Variants in APBA2 observed in about 807,000 individuals in gnomAD.
APBA2 encodes the protein amyloid-beta A4 precursor protein-binding family A member 2.
A neutral mutation model predicts 75.0 loss-of-function variants in APBA2; 30 were observed. The ratio of observed to expected loss-of-function variants is 0.40; its 90% confidence interval spans 0.30 to 0.54. The LOEUF is 0.54. APBA2 is among the 20% of genes least tolerant of loss of function. APBA2 has a pLI of 0.49. For synonymous variants in APBA2, 444 were observed against 409.6 expected (o/e 1.08, Z -1.01); for missense variants, 801 against 1,016.1 (o/e 0.79, Z 2.88).
intron 4 of APBA2, among the ~76,000 whole-genome samples, chr15:29,058,331 T>C (rs1269978820): frequency 2.0e-5 from 3 of 151,994 alleles, no homozygotes; most frequent in Non-Finnish European, 2.9e-5. Context: ...ACCAACATGG[T>C]GAAACCCTGT....
In APBA2 at chr15:29,001,513, T is replaced by C. The variant is rs146658250; in HGVS notation, c.-41+5707T>C. Among the ~76,000 whole-genome samples the C allele has an allele frequency of 5.9e-5, 9 of 152,322 alleles. 1 individual carries two copies. Among genetic ancestry groups the C allele is most frequent in the African/African-American group, 7.2e-5 (3 of 41,576 alleles). On this transcript the variant is annotated intron_variant, in intron 3 of 14. Coordinates refer to ENST00000683413, the MANE Select transcript of APBA2 (RefSeq NM_001353788.2). ...GGCATGAGCCACTGCCTCTAGACTTTAGAAATGTTCAGAAGCTCACCTTCC... is the reference window on the plus strand; with the variant it reads ...GGCATGAGCCACTGCCTCTAGACTTCAGAAATGTTCAGAAGCTCACCTTCC...
Position 28,969,159 on chromosome 15 carries a change from T to G in APBA2, c.-94-26594T>G, listed in dbSNP as rs544595404. ...TTCTTTCTTTCTTTCTTTCTTTCTTTCTTTCTTTCTTTCTTTCTTTCTTTT... is the reference window on the plus strand; with the variant it reads ...TTCTTTCTTTCTTTCTTTCTTTCTTGCTTTCTTTCTTTCTTTCTTTCTTTT... On this transcript the variant is annotated intron_variant, in intron 2 of 14. Transcript: ENST00000683413. Among the ~76,000 whole-genome samples the G allele has an allele frequency of 7.0e-4, 71 of 101,272 alleles. No homozygotes were observed. The African/African-American group carries it at 0.012, about 17-fold the overall frequency. The allele number at this position is 101,272 out of a possible 152,430, so 66.4% of individuals were successfully genotyped here. A position where few individuals can be genotyped will look rare whatever the true frequency, so the allele number is the denominator to read the frequency against.
chr15:29,055,078 G>A (rs1032059339), intron 4 of APBA2, among the ~76,000 whole-genome samples: 29 of 152,224 alleles, frequency 1.9e-4, no homozygotes, highest in African/African-American at 7.0e-4. Context: ...GGCAACTCGT[G>A]TCTCGCAGAA....
At chr15:29,090,626 T>G (rs1024184035) in intron 6 of APBA2, among the ~76,000 whole-genome samples, 1 of 152,100 alleles carries the variant, frequency 6.6e-6, no homozygotes, top group Non-Finnish European at 1.5e-5. Context: ...AAGGCCCTGC[T>G]CACCTGCTGG....
chr15:28,977,803 A>T (rs2037418772), intron 2 of APBA2, among the ~76,000 whole-genome samples: 1 of 152,134 alleles, frequency 6.6e-6, no homozygotes, highest in Admixed American at 6.5e-5. Context: ...AGAAATGCTG[A>T]GGTTCTCACA....
intron 2 of APBA2, among the ~76,000 whole-genome samples, chr15:28,922,780 C>G (rs1466131115): frequency 1.3e-5 from 2 of 152,212 alleles, no homozygotes; most frequent in Non-Finnish European, 2.9e-5. Flanking sequence ...TGTCCTGTTC[C>G]TGCCTCTCAA....
Position 29,117,199 on chromosome 15 carries a change from A to G in APBA2, c.*66A>G, listed in dbSNP as rs1167557027. 4 of 1,513,342 alleles carry G rather than the reference A, an allele frequency of 2.6e-6. No homozygotes were observed. Among genetic ancestry groups the G allele is most frequent in the Non-Finnish European group, 3.7e-6 (4 of 1,091,244 alleles). 93.7% of individuals were successfully genotyped at this position (1,513,342 alleles called of 1,614,324 possible). On this transcript the variant is annotated 3_prime_UTR_variant, in exon 15 of 15. Coordinates refer to ENST00000683413, the MANE Select transcript of APBA2 (RefSeq NM_001353788.2). ...GCCGCCCGGGCCCAGAGGAGCTGGG[A>G]GCCGGGCCGCAGACTTGACCCCGAC...
rs186068226 is a variant in APBA2 at position 28,954,444 on chromosome 15, C to G, written c.-95+32695C>G. Among the ~76,000 whole-genome samples, 7 of 152,332 alleles carry G rather than the reference C, an allele frequency of 4.6e-5. No homozygotes were observed. In the East Asian group the frequency reaches 1.4e-3, roughly 29 times the overall value. ...AATCCTGCCTGGCTAATAACTTTAT[C>G]ACCTTCTTCGTGTTGGTTCCAACGT... is the stretch of plus-strand genomic sequence containing the variant. On this transcript the variant is annotated intron_variant, in intron 2 of 14. Coordinates refer to ENST00000683413, the MANE Select transcript of APBA2 (RefSeq NM_001353788.2).
intron 3 of APBA2, among the ~76,000 whole-genome samples, chr15:29,021,563 A>G (rs1029361447): frequency 7.2e-5 from 11 of 152,024 alleles, no homozygotes; most frequent in Non-Finnish European, 1.6e-4. Context: ...CCATGAAACC[A>G]TTGCCACAGC....
intron 2 of APBA2, among the ~76,000 whole-genome samples, chr15:28,922,396 A>C (rs967926097): frequency 1.3e-5 from 2 of 152,154 alleles, no homozygotes; most frequent in Admixed American, 1.3e-4. Context: ...GTTAGTCCCC[A>C]CAAGGCGATT....
chr15:29,101,655 C>A lies in APBA2; in HGVS notation c.1395C>A (p.Asn465Lys). The change falls in exon 10 of 15, where the codon AAC becomes AAA. Residue 465 changes from asparagine (N) to lysine (K), a missense_variant. Physicochemically the swap from Asn to Lys is moderately conservative, Grantham distance 94. Transcript: ENST00000683413. ...TCTCCTACATCGCCGACATTGGGAA[C>A]ATTGTAGTGCTGATGGCCAGACGCC... ...RTISYIADIGNIVVLMARRRM... is the reference protein window; with the variant it reads ...RTISYIADIGKIVVLMARRRM... The A allele has an allele frequency of 6.2e-7, 1 of 1,613,736 alleles. No individual in the cohort carries two copies. Among genetic ancestry groups the A allele is most frequent in the Non-Finnish European group, 8.5e-7 (1 of 1,180,022 alleles).
intron 4 of APBA2, among the ~76,000 whole-genome samples, chr15:29,061,804 C>T (rs191696273): frequency 2.3e-4 from 35 of 152,324 alleles, no homozygotes; most frequent in Non-Finnish European, 1.5e-4. Flanking sequence ...TTCTGAGCCA[C>T]GGCCTCACAC....
chr15:28,912,176 C>T (rs1028077664), intron 1 of APBA2, among the ~76,000 whole-genome samples: 2 of 152,040 alleles, frequency 1.3e-5, no homozygotes, highest in African/African-American at 4.8e-5. Context: ...TTTGGAAGGC[C>T]AGGAAGTGTT....
chr15:29,050,065 T>C (rs182400370), intron 3 of APBA2, among the ~76,000 whole-genome samples: 2 of 152,300 alleles, frequency 1.3e-5, no homozygotes, highest in South Asian at 4.1e-4. Context: ...AAAAAGACCC[T>C]TATCTAGACA....
At chr15:29,041,615 A>G (rs1194807470) in intron 3 of APBA2, among the ~76,000 whole-genome samples, 16 of 152,132 alleles carry the variant, frequency 1.1e-4, no homozygotes, top group Non-Finnish European at 2.4e-4. Flanking sequence ...AATACTGATG[A>G]GAGAAATCAA....
chr15:29,112,975 G>GT (rs955102840), intron 13 of APBA2, among the ~76,000 whole-genome samples: 2 of 152,152 alleles, frequency 1.3e-5, no homozygotes, highest in African/African-American at 4.8e-5. Flanking sequence ...TGCCTGGCCT[G>GT]TTTCATGCAG....
chr15:29,033,727 G>A (rs150891357), intron 3 of APBA2, among the ~76,000 whole-genome samples: 1,801 of 152,214 alleles, frequency 0.012, 30 homozygotes, highest in African/African-American at 0.036. Context: ...TTGGAAGGCC[G>A]AGGCAGCTGG....
intron 1 of APBA2, among the ~76,000 whole-genome samples, chr15:28,898,311 C>T (rs1382631601): frequency 6.6e-6 from 1 of 152,224 alleles, no homozygotes; most frequent in Admixed American, 6.5e-5. Context: ...GTGATGGTAA[C>T]TGCCAAAGTG....
chr15:28,956,878 G>A (rs1294790512), intron 2 of APBA2, among the ~76,000 whole-genome samples: 1 of 152,154 alleles, frequency 6.6e-6, no homozygotes, highest in African/African-American at 2.4e-5. Context: ...GTGCACACAC[G>A]TCGTAGTGTA....
Sources: gnomAD v4.1 joint callset for allele counts (sites outside exome capture counted in the v4.1 genomes callset) on GRCh38, gnomAD v4.1.1 for gene constraint, MANE v1.5 for transcripts, NCBI Gene and HGNC (gene_info 2026-07-23, HGNC 2026-07-21) for gene names.